The following PIEZO2 variants were observed in gnomAD, a reference collection of about 807,000 sequenced individuals.
The protein encoded by PIEZO2 is piezo type mechanosensitive ion channel component 2, also known as piezo-type mechanosensitive ion channel component 2.
PIEZO2 carries 172 observed loss-of-function variants against 337.3 expected under a neutral mutation model. The observed-to-expected ratio is 0.51, with a 90% CI of 0.45 to 0.58. PIEZO2 has a LOEUF of 0.58. Ranked by LOEUF, PIEZO2 falls within the 20% of genes least tolerant of loss-of-function variation. The probability of loss-of-function intolerance (pLI) is 0.00; values close to 1 mark genes in which losing one functional copy is unlikely to be tolerated. For missense variants in PIEZO2, 3,028 were observed against 3,391.3 expected (o/e 0.89, Z 2.66); for synonymous variants, 1,251 against 1,228.5 (o/e 1.02, Z -0.38).
rs2039690394 is a variant in PIEZO2 at position 11,110,230 on chromosome 18, A to T, written c.64+38295T>A. Among the ~76,000 whole-genome samples, 2 of 152,146 alleles carry T rather than the reference A, an allele frequency of 1.3e-5. 1 individual carries two copies. Among genetic ancestry groups the T allele is most frequent in the South Asian group, 4.1e-4 (2 of 4,826 alleles). On this transcript the variant is annotated intron_variant, in intron 1 of 55. Transcript: ENST00000674853. This position sits in a 1 kb window ranked among gnomAD's most constrained non-coding sequence, Gnocchi z 4.2. ...TCCTGGAATTCCTGGCCATCCTTCC[A>T]CCTCAGCGTCCCAAAGTGCTGGGAC...
chr18:10,892,351 T>G (rs2042780308), intron 4 of PIEZO2, among the ~76,000 whole-genome samples: 2 of 152,192 alleles, frequency 1.3e-5, no homozygotes, highest in Non-Finnish European at 1.5e-5. Flanking sequence ...CTAAAAGGTT[T>G]ATTCCATGTG....
chr18:10,862,793 C>G lies in PIEZO2; in HGVS notation c.493-5582G>C, dbSNP rs569162048. 7.2e-5 allele frequency among the ~76,000 whole-genome samples: 11 copies of G among 152,324 alleles called. No homozygotes were observed. The highest frequency in any genetic ancestry group is 2.4e-4 in the African/African-American group (10 of 41,580). ...AGCCCCTCCAGAATTCAGGCCCTGG[C>G]CGACATTGGCAACCACTGATCAATG... On this transcript the variant is annotated intron_variant, in intron 5 of 55. Transcript: ENST00000674853. This position sits in a 1 kb window ranked among gnomAD's most constrained non-coding sequence, Gnocchi z 4.4.
intron 4 of PIEZO2, among the ~76,000 whole-genome samples, chr18:10,891,060 C>T (rs192307126): frequency 5.9e-5 from 9 of 152,214 alleles, no homozygotes; most frequent in South Asian, 4.1e-4. Context: ...TGGCTGGAAG[C>T]GGTGGCTCAC....
At chr18:10,868,129 C>T (rs1598606212) in intron 5 of PIEZO2, among the ~76,000 whole-genome samples, 2 of 152,180 alleles carry the variant, frequency 1.3e-5, no homozygotes, top group African/African-American at 4.8e-5. Context: ...CAAGAGTCTT[C>T]CCCACGGATT....
chr18:10,736,842 G>T, intron 33 of PIEZO2, 132 bp from the exon 34 acceptor site: 1 of 1,014,820 alleles, frequency 9.9e-7, no homozygotes, highest in Non-Finnish European at 1.4e-6. Flanking sequence ...TGGCAGAGAG[G>T]AAAACACACA....
intron 17 of PIEZO2, among the ~76,000 whole-genome samples, chr18:10,782,629 T>TA (rs1169524464): frequency 6.7e-6 from 1 of 149,868 alleles, no homozygotes; most frequent in Non-Finnish European, 1.5e-5. Flanking sequence ...CCTTTACATT[T>TA]ACTTGGAAAA....
chr18:10,678,440 GT>G (rs928242293), intron 52 of PIEZO2, among the ~76,000 whole-genome samples: 22 of 152,168 alleles, frequency 1.4e-4, no homozygotes, highest in African/African-American at 4.6e-4. Flanking sequence ...GCCCCACTTT[GT>G]ATTTTTTTTA....
chr18:10,839,689 A>G (rs1022787882), intron 7 of PIEZO2, among the ~76,000 whole-genome samples: 2 of 152,208 alleles, frequency 1.3e-5, no homozygotes, highest in African/African-American at 2.4e-5. Context: ...TCTCAACCCC[A>G]GGATAGTAGC....
rs1410616988 is a variant in PIEZO2, at chr18:11,132,150, ATAGACAC to A, written c.64+16368_64+16374del. Among the ~76,000 whole-genome samples, 2 of 152,172 alleles carry A rather than the reference ATAGACAC, an allele frequency of 1.3e-5. No individual in the cohort carries two copies. Among genetic ancestry groups the A allele is most frequent in the Non-Finnish European group, 2.9e-5 (2 of 68,036 alleles). On this transcript the variant is annotated intron_variant, in intron 1 of 55. Coordinates refer to ENST00000674853, the MANE Select transcript of PIEZO2 (RefSeq NM_001378183.1). This position sits in a 1 kb window ranked among gnomAD's most constrained non-coding sequence, Gnocchi z 4.7. ...AGAGGAGAGATTTGTTCTCACTGGAATAGACACTTACTCTGTATATAGGTTTGCCTGT... is the reference window on the plus strand; with the variant it reads ...AGAGGAGAGATTTGTTCTCACTGGAATTACTCTGTATATAGGTTTGCCTGT...
chr18:10,708,032 T>A (rs983734713), intron 40 of PIEZO2, among the ~76,000 whole-genome samples: 2 of 152,214 alleles, frequency 1.3e-5, no homozygotes, highest in African/African-American at 4.8e-5. Context: ...ATGTTTGTGA[T>A]AAGGATTTTT....
chr18:10,947,886 A>C (rs1318525461), intron 3 of PIEZO2, among the ~76,000 whole-genome samples: 1 of 152,226 alleles, frequency 6.6e-6, no homozygotes, highest in Non-Finnish European at 1.5e-5. Context: ...GTTTAGTATT[A>C]CCTGAAGGCA....
At chr18:10,770,423 G>T in intron 20 of PIEZO2, 115 bp from the exon 21 acceptor site, 1 of 1,105,860 alleles carries the variant, frequency 9.0e-7, no homozygotes, top group South Asian at 1.8e-5. Flanking sequence ...TACAGTGGAT[G>T]AATTCTAAGA....
chr18:10,851,094 C>A (rs189812282), intron 7 of PIEZO2, among the ~76,000 whole-genome samples: 1 of 147,344 alleles, frequency 6.8e-6, no homozygotes, highest in East Asian at 2.0e-4. Context: ...TGGTGATTTT[C>A]TTTATTTCTA....
Position 10,830,702 on chromosome 18 carries a change from T to C in PIEZO2, c.918-23428A>G, listed in dbSNP as rs2040820031. Reference sequence around the variant, plus strand: ...ATGGAATCACATCAGATTGAAACGCTTCTGAACGGCAAAGGAAACAATTAG... The same window carrying C: ...ATGGAATCACATCAGATTGAAACGCCTCTGAACGGCAAAGGAAACAATTAG... On this transcript the variant is annotated intron_variant, in intron 7 of 55. Transcript: ENST00000674853. This position sits in a 1 kb window ranked among gnomAD's most constrained non-coding sequence, Gnocchi z 4.7. Among the ~76,000 whole-genome samples, 1 of 152,206 alleles carries C rather than the reference T, an allele frequency of 6.6e-6. No homozygotes were observed. The highest frequency in any genetic ancestry group is 2.4e-5 in the African/African-American group (1 of 41,456).
chr18:11,059,102 C>T (rs1313552036), intron 2 of PIEZO2, among the ~76,000 whole-genome samples: 2 of 152,176 alleles, frequency 1.3e-5, no homozygotes, highest in Admixed American at 1.3e-4. Context: ...GGCCAATATT[C>T]AACATTCTTA....
At chr18:10,927,995 T>G (rs1216452527) in intron 3 of PIEZO2, among the ~76,000 whole-genome samples, 2 of 152,088 alleles carry the variant, frequency 1.3e-5, no homozygotes, top group Admixed American at 6.5e-5. Context: ...TAAGGAAGAT[T>G]CAAAATTTCA....
intron 1 of PIEZO2, among the ~76,000 whole-genome samples, chr18:11,071,812 T>A (rs961636298): frequency 6.6e-6 from 1 of 152,164 alleles, no homozygotes; most frequent in Admixed American, 6.5e-5. Flanking sequence ...GGAGGCCGGA[T>A]CATGCCAGGC....
Position 11,079,962 on chromosome 18 carries a change from A to G in PIEZO2, c.65-13740T>C, listed in dbSNP as rs74641986. 2.9e-4 allele frequency among the ~76,000 whole-genome samples: 44 copies of G among 152,354 alleles called. No individual in the cohort carries two copies. In the East Asian group the frequency reaches 7.5e-3, roughly 26 times the overall value. ...AAAAAACTAGGTTGTCAAATTGTTT[A>G]TAGTAGGACTGACCTATTAGGTAGA... On this transcript the variant is annotated intron_variant, in intron 1 of 55. Coordinates refer to ENST00000674853, the MANE Select transcript of PIEZO2 (RefSeq NM_001378183.1).
chr18:10,799,224 G>T (rs12962798), intron 11 of PIEZO2, among the ~76,000 whole-genome samples: 1 of 151,998 alleles, frequency 6.6e-6, no homozygotes, highest in South Asian at 2.1e-4. Flanking sequence ...CTAAAGGCAC[G>T]ACAAGGTCTA....
Sources: allele counts gnomAD v4.1 joint callset (sites outside exome capture counted in the v4.1 genomes callset), GRCh38; gene constraint gnomAD v4.1.1; non-coding constraint Gnocchi (gnomAD v3.1); transcripts MANE v1.5; gene names NCBI Gene and HGNC (gene_info 2026-07-23, HGNC 2026-07-21).